AHNAK2: variants seen among roughly 807,000 people sequenced by gnomAD.
The protein encoded by AHNAK2 is protein AHNAK2.
AHNAK2 carries 18 observed loss-of-function variants against 30.7 expected under a neutral mutation model. The ratio of observed to expected loss-of-function variants is 0.59; its 90% CI spans 0.41 to 0.87. The LOEUF (loss-of-function observed/expected upper bound fraction) is 0.87, where lower values mean the gene tolerates loss of function less well. Ranked by LOEUF, AHNAK2 falls within the 40% of genes least tolerant of loss-of-function variation. AHNAK2 has a pLI of 0.00. For missense variants in AHNAK2, 8,604 were observed against 7,373.0 expected, an observed-to-expected ratio of 1.17 and a Z score of -6.11; for synonymous variants, 3,590 against 3,073.8, an observed-to-expected ratio of 1.17 and a Z score of -5.56.
chr14:104,942,622 T>A lies in AHNAK2; in HGVS notation c.12829A>T (p.Ser4277Cys). The stretch of plus-strand genomic sequence containing the variant: ...GACAGGTCACCCTCCAGCCGCACAC[T>A]GTCCAGCTTGGCTCCCGGGGCCTCG... ...DVEAPGAKLD[S>C]VRLEGDLSLA... The change falls in exon 7 of 7, where the codon AGT (serine) becomes TGT (cysteine). Residue 4277 changes from serine to cysteine, a missense_variant. By Grantham distance (112) the Ser-to-Cys change is moderately radical. Transcript: ENST00000333244. 1 of 1,612,782 alleles carries A rather than the reference T, an allele frequency of 6.2e-7. No homozygotes were observed. Among genetic ancestry groups the A allele is most frequent in the African/African-American group, 1.3e-5 (1 of 74,690 alleles).
chr14:104,946,799 G>C lies in AHNAK2; in HGVS notation c.8652C>G (p.Gly2884=), dbSNP rs1898299415. 6.2e-7 allele frequency: 1 copy of C among 1,612,900 alleles called. No homozygotes were observed. Among genetic ancestry groups the C allele is most frequent in the Non-Finnish European group, 8.5e-7 (1 of 1,179,630 alleles). The change falls in exon 7 of 7, where the codon GGC becomes GGG. Residue 2884 remains glycine, a synonymous_variant. Transcript: ENST00000333244. The part of the protein sequence containing the change: ...AGQVDVKLPE[G]HVPEGAGLKG... ...TGAGGCCGGCTCCCTCGGGAACGTG[G>C]CCCTCTGGGAGTTTCACGTCCACCT...
chr14:104,946,325 C>T lies in AHNAK2; in HGVS notation c.9126G>A (p.Val3042=). 6.2e-7 allele frequency: 1 copy of T among 1,612,108 alleles called. No individual in the cohort carries two copies. The highest frequency in any genetic ancestry group is 8.5e-7 in the Non-Finnish European group (1 of 1,179,368). ...SAQLEVQAGQ[V]DLKLPEGHVP... ...CGTGGCCCTCTGGGAGCTTCAGGTC[C>T]ACCTGGCCAGCCTGGACCTCCAGTT... The change falls in exon 7 of 7, where the codon GTG becomes GTA. Residue 3042 remains valine, a synonymous_variant. Coordinates refer to ENST00000333244, the MANE Select transcript of AHNAK2 (RefSeq NM_138420.4).
chr14:104,956,725 C>A (rs1422923552), intron 3 of AHNAK2, 36 bp from the exon 4 acceptor site: 1 of 1,604,572 alleles, frequency 6.2e-7, no homozygotes, highest in Non-Finnish European at 8.5e-7. Flanking sequence ...GGCACCTGCC[C>A]CAGCTCAGGG....
intron 1 of AHNAK2, among the ~76,000 whole-genome samples, chr14:104,973,224 C>A (rs1899519084): frequency 6.6e-6 from 1 of 152,226 alleles, no homozygotes; most frequent in East Asian, 1.9e-4. Flanking sequence ...GTGATGCGCA[C>A]TGAACAGCTA....
At position 104,952,652 on chromosome 14, in the gene AHNAK2, G is replaced by C. The variant is rs374476127; in HGVS notation, c.2799C>G (p.Gly933=). 352 of 1,611,338 alleles carry C rather than the reference G, an allele frequency of 2.2e-4. 7 individuals are homozygous for C. In the African/African-American group the frequency reaches 3.7e-3, roughly 17 times the overall value. The change falls in exon 7 of 7, where the codon GGC becomes GGG. Residue 933 remains glycine, a synonymous_variant. Coordinates refer to ENST00000333244, the MANE Select transcript of AHNAK2 (RefSeq NM_138420.4). The part of the protein sequence containing the change: ...SFKMPKVDLK[G]PQIDVKGPKL... ...TGGGGCCCTTAACATCTATCTGGGG[G>C]CCCTTGAGGTCCACTTTGGGCATCT...
chr14:104,968,054 A>C (rs1428476067), intron 1 of AHNAK2, among the ~76,000 whole-genome samples: 1 of 152,186 alleles, frequency 6.6e-6, no homozygotes, highest in Non-Finnish European at 1.5e-5. Context: ...ACAGAGGAGA[A>C]TGTGGAGGTG....
chr14:104,944,367 A>T lies in AHNAK2; in HGVS notation c.11084T>A (p.Leu3695Gln), dbSNP rs1226503105. 2 of 1,612,358 alleles carry T rather than the reference A, an allele frequency of 1.2e-6. No homozygotes were observed. Among genetic ancestry groups the T allele is most frequent in the Non-Finnish European group, 1.7e-6 (2 of 1,179,342 alleles). The change falls in exon 7 of 7, where the codon CTG becomes CAG. Residue 3695 changes from leucine (L) to glutamine (Q), a missense_variant. Transcript: ENST00000333244. Reference sequence around the variant, plus strand: ...ATCCATCTGGCCAGCCTGGACCTTCAGGTCGGCAGAAGGGGGCTGAATGCT... The same window carrying T: ...ATCCATCTGGCCAGCCTGGACCTTCTGGTCGGCAGAAGGGGGCTGAATGCT... ...DLSIQPPSAD[L>Q]KVQAGQMDVK...
In AHNAK2 at chr14:104,946,872, T is replaced by A; in HGVS notation, c.8579A>T (p.Asp2860Val). 1 of 1,612,442 alleles carries A rather than the reference T, an allele frequency of 6.2e-7. No individual in the cohort carries two copies. The highest frequency in any genetic ancestry group is 8.5e-7 in the Non-Finnish European group (1 of 1,179,706). The change falls in exon 7 of 7, where the codon GAC becomes GTC. Residue 2860 changes from aspartate (D) to valine (V), a missense_variant. Coordinates refer to ENST00000333244, the MANE Select transcript of AHNAK2 (RefSeq NM_138420.4). Reference sequence around the variant, plus strand: ...GGCGGAGGGGGGCTGAATGCGGATGTCAGTGGTCTTAAGATCCCCTTGCAT... The same window carrying A: ...GGCGGAGGGGGGCTGAATGCGGATGACAGTGGTCTTAAGATCCCCTTGCAT... ...PSMQGDLKTT[D>V]IRIQPPSAQL...
At chr14:104,955,327 A>G in intron 5 of AHNAK2, 156 bp downstream of exon 5, 2 of 1,294,302 alleles carry the variant, frequency 1.5e-6, no homozygotes, top group Non-Finnish European at 2.1e-6. Context: ...ATTTTACTAG[A>G]TGCAGTGGGT....
At position 104,940,602 on chromosome 14, in the gene AHNAK2, C is replaced by T. The variant is rs1474427073; in HGVS notation, c.14849G>A (p.Gly4950Glu). The change falls in exon 7 of 7, where the codon GGG becomes GAG. Residue 4950 changes from glycine to glutamate, a missense_variant. By Grantham distance (98) the Gly-to-Glu change is moderately conservative. Coordinates refer to ENST00000333244, the MANE Select transcript of AHNAK2 (RefSeq NM_138420.4). This position sits in a 1 kb window ranked among gnomAD's most constrained non-coding sequence, Gnocchi z 4.4. ...PSEDADHEGK[G>E]SPLKMPKIKL... ...AATCTTAGGCATTTTCAAGGGACTC[C>T]CTTTCCCTTCGTGGTCAGCATCTTC... 6 of 1,613,688 alleles carry T rather than the reference C, an allele frequency of 3.7e-6. No homozygotes were observed. The highest frequency in any genetic ancestry group is 3.3e-4 in the Middle Eastern group (2 of 6,062).
rs563788618 is a variant in AHNAK2 at position 104,950,890 on chromosome 14, G to A, written c.4561C>T (p.Pro1521Ser). The A allele has an allele frequency of 1.9e-4, 301 of 1,567,128 alleles. 30 individuals carry two copies. The highest frequency in any genetic ancestry group is 1.2e-3 in the Admixed American group (70 of 56,076). Reference sequence around the variant, plus strand: ...AGGCTCACGTCGGCCTCCACCTTCGGCGCAGACACATCCACTGAGGCCTCG... The same window carrying A: ...AGGCTCACGTCGGCCTCCACCTTCGACGCAGACACATCCACTGAGGCCTCG... ...SIEASVDVSA[P>S]KVEADVSLPS... is the part of the protein sequence containing the mutation. Residue 1521 changes from proline (P) to serine (S), a missense_variant, in exon 7 of 7, where the codon CCG becomes TCG. Transcript: ENST00000333244.
In AHNAK2 at chr14:104,939,143, G is replaced by T. The variant is rs1346048237; in HGVS notation, c.16308C>A (p.Ile5436=). ...CAGGGACCCCAGCACCTGCCTTCAG[G>T]ATGCTGGCTCCCCAGAGCCCCGGAC... ...KESPGLWGAS[I]LKAGAGVPGE... The change falls in exon 7 of 7, where the codon ATC becomes ATA. Residue 5436 remains isoleucine, a synonymous_variant. Coordinates refer to ENST00000333244, the MANE Select transcript of AHNAK2 (RefSeq NM_138420.4). The T allele has an allele frequency of 1.4e-5, 22 of 1,611,290 alleles. No individual in the cohort carries two copies. The highest frequency in any genetic ancestry group is 1.8e-5 in the Non-Finnish European group (21 of 1,178,926).
intron 1 of AHNAK2, among the ~76,000 whole-genome samples, chr14:104,976,056 G>A (rs527381497): frequency 6.6e-6 from 1 of 152,180 alleles, no homozygotes; most frequent in African/African-American, 2.4e-5. Flanking sequence ...TTTCTTGGGG[G>A]GTCGTGGGAG....
At position 104,945,050 on chromosome 14, in the gene AHNAK2, A is replaced by C. The variant is rs370168611; in HGVS notation, c.10401T>G (p.Thr3467=). The C allele has an allele frequency of 1.4e-5, 22 of 1,612,924 alleles. No individual in the cohort carries two copies. The Admixed American group carries it at 2.5e-4, about 18-fold the overall frequency. The stretch of plus-strand genomic sequence containing the variant: ...GCATTTTGAACTTGCTGTCTTTGGC[A>C]GTCACATCCTTTTCAGCCAGGGACA... ...GDLSLAEKDV[T]AKDSKFKMPK... The change falls in exon 7 of 7, where the codon ACT becomes ACG. Residue 3467 remains threonine (T), a synonymous_variant. Coordinates refer to ENST00000333244, the MANE Select transcript of AHNAK2 (RefSeq NM_138420.4).
At chr14:104,974,440 T>C (rs1370160831) in intron 1 of AHNAK2, among the ~76,000 whole-genome samples, 3 of 152,214 alleles carry the variant, frequency 2.0e-5, no homozygotes, top group Non-Finnish European at 4.4e-5. Flanking sequence ...ATGCACTGGG[T>C]TGAACAACTT....
At position 104,939,800 on chromosome 14, in the gene AHNAK2, C is replaced by G; in HGVS notation, c.15651G>C (p.Gln5217His). 1 of 1,613,692 alleles carries G rather than the reference C, an allele frequency of 6.2e-7. No homozygotes were observed. The highest frequency in any genetic ancestry group is 8.5e-7 in the Non-Finnish European group (1 of 1,179,896). ...CCCCTGTTGCTGCCGGTGCCTGTGT[C>G]TGAGCCACTTCCAGCTTTCCAGCCC... ...RGGAGKLEVA[Q>H]TQAPAATGGE... is the part of the protein sequence containing the mutation. The change falls in exon 7 of 7, where the codon CAG becomes CAC. Residue 5217 changes from glutamine (Q) to histidine (H), a missense_variant. Transcript: ENST00000333244.
Position 104,943,104 on chromosome 14 carries a change from T to G in AHNAK2, c.12347A>C (p.Glu4116Ala). The G allele has an allele frequency of 2.5e-6, 4 of 1,613,144 alleles. No individual in the cohort carries two copies. The highest frequency in any genetic ancestry group is 3.4e-6 in the Non-Finnish European group (4 of 1,179,624). Reference sequence around the variant, plus strand: ...CTTGTCGGCCAGGGACAGGTCCCCCTCCAGCTGCACACCATCCAGCTTTGC... The same window carrying G: ...CTTGTCGGCCAGGGACAGGTCCCCCGCCAGCTGCACACCATCCAGCTTTGC... ...PRAKLDGVQL[E>A]GDLSLADKDV... Residue 4116 changes from glutamate (E) to alanine (A), a missense_variant, in exon 7 of 7, where the codon GAG becomes GCG. Coordinates refer to ENST00000333244, the MANE Select transcript of AHNAK2 (RefSeq NM_138420.4).
chr14:104,967,253 T>G (rs1333781799), intron 1 of AHNAK2, among the ~76,000 whole-genome samples: 2 of 150,772 alleles, frequency 1.3e-5, no homozygotes, highest in Non-Finnish European at 3.0e-5. Context: ...CCTGGATGGG[T>G]TGGGGGTGGG....
Position 104,947,424 on chromosome 14 carries a change from A to G in AHNAK2, c.8027T>C (p.Leu2676Pro), listed in dbSNP as rs537509594. ...SIEALVDVSE[L>P]KVEADMSLPS... ...GAGGCTCATGTCGGCTTCCACCTTCAGCTCAGACACATCCACCAACGCCTC... is the reference window on the plus strand; with the variant it reads ...GAGGCTCATGTCGGCTTCCACCTTCGGCTCAGACACATCCACCAACGCCTC... Residue 2676 changes from leucine (L) to proline (P), a missense_variant, in exon 7 of 7, where the codon CTG becomes CCG. Transcript: ENST00000333244. The G allele has an allele frequency of 1.0e-3, 1,616 of 1,611,000 alleles. 28 individuals are homozygous for G. In the South Asian group the frequency reaches 0.017, roughly 17 times the overall value.
Sources: gnomAD v4.1 joint callset for allele counts (sites outside exome capture counted in the v4.1 genomes callset) on GRCh38, gnomAD v4.1.1 for gene constraint, Gnocchi (gnomAD v3.1) non-coding constraint, MANE v1.5 for transcripts, NCBI Gene and HGNC (gene_info 2026-07-23, HGNC 2026-07-21) for gene names.